CREBBP: variants seen among roughly 807,000 people sequenced by gnomAD.
CREBBP encodes CREB-binding protein.
In CREBBP, 19 loss-of-function variants were observed where a neutral mutation model predicts 265.0. The observed-to-expected ratio is 0.07, with a 90% CI of 0.05 to 0.11. CREBBP has a LOEUF of 0.11. Ranked by LOEUF, CREBBP falls within the 10% of genes least tolerant of loss-of-function variation. The probability of loss-of-function intolerance (pLI) is 1.00; values close to 1 mark genes in which losing one functional copy is unlikely to be tolerated. For synonymous variants in CREBBP, 1,457 were observed against 1,223.7 expected (o/e 1.19, Z -3.98); for missense variants, 2,525 against 3,219.0 (o/e 0.78, Z 5.22).
chr16:3,856,472 C>G (rs1359819394), intron 1 of CREBBP, among the ~76,000 whole-genome samples: 1 of 152,068 alleles, frequency 6.6e-6, no homozygotes, highest in Non-Finnish European at 1.5e-5. Context: ...GTTTCCCAGG[C>G]TTGCCAGCTA....
chr16:3,817,226 G>C (rs923878681), intron 2 of CREBBP, among the ~76,000 whole-genome samples: 6 of 152,250 alleles, frequency 3.9e-5, no homozygotes, highest in Middle Eastern at 3.4e-3. Context: ...CCCTGACTTT[G>C]GTACAAGGCC....
chr16:3,849,456 TG>T (rs2054774000), intron 2 of CREBBP, among the ~76,000 whole-genome samples: 1 of 120,648 alleles, frequency 8.3e-6, no homozygotes, highest in African/African-American at 3.0e-5. Flanking sequence ...TGTGTGTGTG[TG>T]TGTGTGTGTG....
chr16:3,797,179 G>A (rs894812793), intron 3 of CREBBP, among the ~76,000 whole-genome samples: 2 of 152,118 alleles, frequency 1.3e-5, no homozygotes, highest in Non-Finnish European at 1.5e-5. Flanking sequence ...TTAAAGCACA[G>A]AACAAAGCCA....
intron 2 of CREBBP, among the ~76,000 whole-genome samples, chr16:3,821,166 G>C (rs1357636405): frequency 6.6e-6 from 1 of 152,168 alleles, no homozygotes; most frequent in East Asian, 1.9e-4. Context: ...ATTATCATTA[G>C]GTGATCTTTA....
intron 3 of CREBBP, among the ~76,000 whole-genome samples, chr16:3,797,281 A>AG (rs1160556072): frequency 6.6e-6 from 1 of 152,228 alleles, no homozygotes; most frequent in Non-Finnish European, 1.5e-5. Flanking sequence ...GTAAAAATAA[A>AG]GGGGCAATCT....
At chr16:3,805,217 C>G (rs1397095793) in intron 3 of CREBBP, among the ~76,000 whole-genome samples, 1 of 152,192 alleles carries the variant, frequency 6.6e-6, no homozygotes, top group Non-Finnish European at 1.5e-5. Context: ...CTTAAGAATA[C>G]ACAAACACTT....
At chr16:3,810,564 A>G (rs1243665815) in intron 3 of CREBBP, 39 bp downstream of exon 3, 1 of 1,608,688 alleles carries the variant, frequency 6.2e-7, no homozygotes, top group East Asian at 2.2e-5. Flanking sequence ...CACAGCACCC[A>G]CCGGAGAGCC....
chr16:3,823,730 T>C (rs919471289), intron 2 of CREBBP, among the ~76,000 whole-genome samples: 1 of 152,208 alleles, frequency 6.6e-6, no homozygotes, highest in Admixed American at 6.5e-5. Flanking sequence ...TGGCCTGAGC[T>C]TCAGGGAGCA....
At chr16:3,795,064 A>G (rs2053580759) in intron 3 of CREBBP, among the ~76,000 whole-genome samples, 1 of 152,222 alleles carries the variant, frequency 6.6e-6, no homozygotes, top group Admixed American at 6.5e-5. Flanking sequence ...CTTTATGAGA[A>G]CTAGAAAATA....
chr16:3,744,559 C>T (rs958003432), intron 23 of CREBBP, among the ~76,000 whole-genome samples: 1 of 152,160 alleles, frequency 6.6e-6, no homozygotes, highest in African/African-American at 2.4e-5. Flanking sequence ...ATCCACAGCC[C>T]AAGGCTGCGA....
chr16:3,736,069 C>T lies in CREBBP; in HGVS notation c.4695G>A (p.Lys1565=), dbSNP rs1239419042. The change falls in exon 28 of 31, where the codon AAG becomes AAA. Residue 1565 remains lysine, a synonymous_variant. Coordinates refer to ENST00000262367, the MANE Select transcript of CREBBP (RefSeq NM_004380.3). The part of the protein sequence containing the change: ...ELEQEEEERK[K]EESTAASETT... ...TTTCACTGGCTGCAGTGCTCTCTTCCTTTTTCCTCTCCTCTTCTTCTTGTT... is the reference window on the plus strand; with the variant it reads ...TTTCACTGGCTGCAGTGCTCTCTTCTTTTTTCCTCTCCTCTTCTTCTTGTT... 4 of 1,614,084 alleles carry T rather than the reference C, an allele frequency of 2.5e-6. No individual in the cohort carries two copies. The highest frequency in any genetic ancestry group is 2.2e-5 in the East Asian group (1 of 44,890).
chr16:3,878,215 G>A (rs186020529), intron 1 of CREBBP, among the ~76,000 whole-genome samples: 11 of 152,182 alleles, frequency 7.2e-5, no homozygotes, highest in Non-Finnish European at 1.6e-4. Flanking sequence ...TATGACCTAC[G>A]TCTCACAGAA....
intron 16 of CREBBP, among the ~76,000 whole-genome samples, chr16:3,759,349 G>A (rs890744603): frequency 6.6e-6 from 1 of 152,148 alleles, no homozygotes; most frequent in African/African-American, 2.4e-5. Flanking sequence ...AGCACTTTGG[G>A]AGACTGAGGA....
chr16:3,733,309 C>A (rs908035944), intron 28 of CREBBP, among the ~76,000 whole-genome samples: 1 of 148,566 alleles, frequency 6.7e-6, no homozygotes, highest in African/African-American at 2.5e-5. Flanking sequence ...TTGCAGTGAG[C>A]TGAGATGGCG....
chr16:3,877,878 C>T (rs375944106), intron 1 of CREBBP, among the ~76,000 whole-genome samples: 1 of 152,110 alleles, frequency 6.6e-6, no homozygotes, highest in African/African-American at 2.4e-5. Flanking sequence ...TTTGGTCCCA[C>T]GAAAGAGCCC....
intron 1 of CREBBP, among the ~76,000 whole-genome samples, chr16:3,852,966 CA>C (rs1332391780): frequency 0.021 from 2,429 of 115,548 alleles, 35 homozygotes; most frequent in African/African-American, 0.054. Context: ...CTGTAGCATC[CA>C]AAAAAAAAAA....
At chr16:3,831,986 G>A in intron 2 of CREBBP, among the ~76,000 whole-genome samples, 1 of 151,502 alleles carries the variant, frequency 6.6e-6, no homozygotes, top group Non-Finnish European at 1.5e-5. Context: ...AACGGAGTGA[G>A]ACTCTGACTC....
At chr16:3,794,753 C>T (rs538675849) in intron 3 of CREBBP, among the ~76,000 whole-genome samples, 2 of 152,188 alleles carry the variant, frequency 1.3e-5, no homozygotes, top group Non-Finnish European at 2.9e-5. Context: ...TTCTTCTTTA[C>T]AAACTATAAG....
chr16:3,825,876 T>C (rs899354182), intron 2 of CREBBP, among the ~76,000 whole-genome samples: 2 of 152,194 alleles, frequency 1.3e-5, no homozygotes, highest in Admixed American at 1.3e-4. Context: ...TATGAACAGG[T>C]TAGAATAAAT....
Sources: allele counts gnomAD v4.1 joint callset (sites outside exome capture counted in the v4.1 genomes callset), GRCh38; gene constraint gnomAD v4.1.1; transcripts MANE v1.5; gene names NCBI Gene and HGNC (gene_info 2026-07-23, HGNC 2026-07-21).